ZEB1: variants seen among roughly 807,000 people sequenced by gnomAD.
ZEB1 encodes zinc finger E-box binding homeobox 1.
In ZEB1, 21 loss-of-function variants were observed where a neutral mutation model predicts 84.9. The observed-to-expected ratio is 0.25, with a 90% CI of 0.18 to 0.36. The LOEUF is 0.36. ZEB1 is among the 10% of genes least tolerant of loss of function. ZEB1 has a pLI of 1.00. For missense variants in ZEB1, 1,104 were observed against 1,330.2 expected (o/e 0.83, Z 2.65); for synonymous variants, 420 against 471.1 (o/e 0.89, Z 1.41).
intron 2 of ZEB1, among the ~76,000 whole-genome samples, chr10:31,468,551 C>T (rs897080994): frequency 6.6e-6 from 1 of 152,158 alleles, no homozygotes; most frequent in African/African-American, 2.4e-5. Flanking sequence ...CCCAAAAGAC[C>T]TCCAACTTTG....
At position 31,529,679 on chromosome 10, in the gene ZEB1, A is replaced by G. The variant is rs184147533; in HGVS notation, c.*2415A>G. 2 of 152,302 alleles carry G rather than the reference A, an allele frequency of 1.3e-5. No homozygotes were observed. The highest frequency in any genetic ancestry group is 4.8e-5 in the African/African-American group (2 of 41,576). 9.4% of individuals were successfully genotyped at this position (152,302 alleles called of 1,614,324 possible). A position where few individuals can be genotyped will look rare whatever the true frequency, so the allele number is the denominator to read the frequency against. On this transcript the variant is annotated 3_prime_UTR_variant, in exon 9 of 9. Transcript: ENST00000424869. ...ATTTGCATGTTTATGGAGCTCAGCT[A>G]TGTTCTCACTTTTTTTGCTTCTAAT... is the stretch of plus-strand genomic sequence containing the variant.
chr10:31,523,749 C>G (rs905286143), intron 7 of ZEB1, among the ~76,000 whole-genome samples, 184 bp from the exon 8 acceptor site: 3 of 152,198 alleles, frequency 2.0e-5, no homozygotes, highest in African/African-American at 4.8e-5. Flanking sequence ...TTTGTCATCT[C>G]CACCTGTGAT....
intron 1 of ZEB1, among the ~76,000 whole-genome samples, chr10:31,441,133 A>G (rs2058918614): frequency 6.6e-6 from 1 of 152,232 alleles, no homozygotes; most frequent in South Asian, 2.1e-4. Flanking sequence ...AGCTGGAGGC[A>G]TCACACTACC....
intron 1 of ZEB1, among the ~76,000 whole-genome samples, chr10:31,407,448 G>A (rs2053329111): frequency 6.6e-6 from 1 of 151,928 alleles, no homozygotes; most frequent in Admixed American, 6.6e-5. Context: ...TGGCTGCATA[G>A]TATTCCATGG....
chr10:31,368,724 CTT>C (rs1247437188), intron 1 of ZEB1, among the ~76,000 whole-genome samples: 1 of 151,942 alleles, frequency 6.6e-6, no homozygotes, highest in African/African-American at 2.4e-5. Flanking sequence ...AATATTTTAT[CTT>C]TTTAATAATA....
chr10:31,417,215 C>A (rs1333362258), intron 1 of ZEB1, among the ~76,000 whole-genome samples: 1 of 152,120 alleles, frequency 6.6e-6, no homozygotes, highest in African/African-American at 2.4e-5. Context: ...CTCACTTATT[C>A]TTGTTCTTTC....
chr10:31,434,537 T>C (rs978328762), intron 1 of ZEB1, among the ~76,000 whole-genome samples: 2 of 152,226 alleles, frequency 1.3e-5, no homozygotes, highest in Non-Finnish European at 2.9e-5. Flanking sequence ...CTCTGAATTT[T>C]ATTAGGAAGC....
chr10:31,526,384 C>A (rs571884025), intron 8 of ZEB1, among the ~76,000 whole-genome samples: 81 of 152,226 alleles, frequency 5.3e-4, no homozygotes, highest in Non-Finnish European at 1.0e-3. Context: ...CTGCACTTGG[C>A]CCATTTTCCA....
intron 2 of ZEB1, among the ~76,000 whole-genome samples, chr10:31,492,443 G>A (rs927227217): frequency 1.1e-4 from 17 of 151,946 alleles, no homozygotes; most frequent in South Asian, 4.1e-4. Flanking sequence ...TAGGACCGGC[G>A]TATTAAATGC....
At chr10:31,425,921 G>T (rs866668470) in intron 1 of ZEB1, among the ~76,000 whole-genome samples, 4 of 152,096 alleles carry the variant, frequency 2.6e-5, no homozygotes, top group African/African-American at 9.7e-5. Context: ...CATATAAATA[G>T]CCCAAATGTT....
intron 1 of ZEB1, among the ~76,000 whole-genome samples, chr10:31,342,206 G>A (rs545301016): frequency 6.6e-6 from 1 of 152,124 alleles, no homozygotes; most frequent in Non-Finnish European, 1.5e-5. Flanking sequence ...GAATAAATGA[G>A]AGAATATGAG....
chr10:31,322,335 C>T (rs2034317611), intron 1 of ZEB1, among the ~76,000 whole-genome samples: 1 of 152,180 alleles, frequency 6.6e-6, no homozygotes, highest in Non-Finnish European at 1.5e-5. Context: ...AACGTTAACT[C>T]TCAAATCTTT....
In ZEB1 at chr10:31,385,653, A is replaced by C. The variant is rs1468460133; in HGVS notation, c.58+66361A>C. 2.6e-5 allele frequency among the ~76,000 whole-genome samples: 4 copies of C among 151,350 alleles called. No homozygotes were observed. In the East Asian group the frequency reaches 7.7e-4, roughly 29 times the overall value. On this transcript the variant is annotated intron_variant, in intron 1 of 8. Transcript: ENST00000424869. The stretch of plus-strand genomic sequence containing the variant: ...GCAGTTCTCCTGCCTTAGCCCCCCC[A>C]AGTAACTGGGATTACAGGCGCTTGC...
chr10:31,385,391 T>C (rs1470198097), intron 1 of ZEB1, among the ~76,000 whole-genome samples: 2 of 152,246 alleles, frequency 1.3e-5, no homozygotes, highest in Admixed American at 6.5e-5. Context: ...AATAGTTGTT[T>C]CTTCTGATTC....
intron 1 of ZEB1, among the ~76,000 whole-genome samples, chr10:31,434,146 A>G (rs1046248358): frequency 2.6e-5 from 4 of 152,186 alleles, no homozygotes; most frequent in African/African-American, 9.6e-5. Context: ...TTTATTAACT[A>G]TTTTGCATAA....
intron 1 of ZEB1, among the ~76,000 whole-genome samples, chr10:31,445,993 A>T (rs1164446495): frequency 7.5e-6 from 1 of 132,624 alleles, no homozygotes; most frequent in Non-Finnish European, 1.6e-5. Context: ...AAGGAATGGT[A>T]CCAGTTCCTC....
chr10:31,517,953 GGCAAA>G (rs2071470462), intron 6 of ZEB1, among the ~76,000 whole-genome samples: 1 of 152,090 alleles, frequency 6.6e-6, no homozygotes, highest in African/African-American at 2.4e-5. Context: ...GGTAGTACAT[GGCAAA>G]GCTAGGGCTG....
chr10:31,370,989 G>A (rs1003987442), intron 1 of ZEB1, among the ~76,000 whole-genome samples: 1 of 152,124 alleles, frequency 6.6e-6, no homozygotes, highest in East Asian at 1.9e-4. Context: ...AAACTGCTGG[G>A]ATTACAGGCG....
chr10:31,385,618 C>T (rs1255257512), intron 1 of ZEB1, among the ~76,000 whole-genome samples: 1 of 151,872 alleles, frequency 6.6e-6, no homozygotes, highest in East Asian at 1.9e-4. Flanking sequence ...CCTCCACCTC[C>T]CAGGTTCAAG....
Sources: allele counts gnomAD v4.1 joint callset (sites outside exome capture counted in the v4.1 genomes callset), GRCh38; gene constraint gnomAD v4.1.1; transcripts MANE v1.5; gene names NCBI Gene and HGNC (gene_info 2026-07-23, HGNC 2026-07-21).